NXPE2: variants seen among roughly 807,000 people sequenced by gnomAD.
NXPE2 encodes the protein NXPE family member 2.
In NXPE2, 34 loss-of-function variants were observed where a neutral mutation model predicts 34.4. The observed-to-expected ratio is 0.99, with a 90% confidence interval of 0.75 to 1.31. NXPE2 has a LOEUF of 1.31. NXPE2 is among the 40% of genes most tolerant of loss of function. The pLI, the probability that NXPE2 is intolerant of heterozygous loss-of-function variation, is 0.00. For synonymous variants in NXPE2, 235 were observed against 231.3 expected (o/e 1.02, Z -0.15); for missense variants, 649 against 672.5 (o/e 0.97, Z 0.39).
chr11:114,788,261 G>T, the NXPE2 span, among the ~76,000 whole-genome samples: 2 of 152,220 alleles, frequency 1.3e-5, no homozygotes, highest in Non-Finnish European at 2.9e-5. Flanking sequence ...CTTATTGCTT[G>T]CAGTTAATGG....
At chr11:114,601,228 ATCCCATT>A in the NXPE2 span, among the ~76,000 whole-genome samples, 3 of 151,230 alleles carry the variant, frequency 2.0e-5, no homozygotes, top group South Asian at 6.2e-4. Context: ...GTAATTTTTC[ATCCCATT>A]TCCCTTCCCA....
the NXPE2 span, among the ~76,000 whole-genome samples, chr11:114,591,211 C>G: frequency 6.6e-6 from 1 of 152,218 alleles, no homozygotes; most frequent in Non-Finnish European, 1.5e-5. Flanking sequence ...ACTAGCTGAA[C>G]TGACAGCTCT....
the NXPE2 span, among the ~76,000 whole-genome samples, chr11:114,597,266 A>G: frequency 8.2e-3 from 1,245 of 152,310 alleles, 18 homozygotes; most frequent in African/African-American, 0.028. Context: ...AAAAGGAGGA[A>G]AAAAAGAAGT....
chr11:114,653,766 G>T, the NXPE2 span, among the ~76,000 whole-genome samples: 21 of 151,960 alleles, frequency 1.4e-4, no homozygotes, highest in Non-Finnish European at 1.9e-4. Context: ...CTGACCTCGT[G>T]ATCTGCCCAT....
At chr11:114,490,275 T>C in the NXPE2 span, among the ~76,000 whole-genome samples, 1 of 152,158 alleles carries the variant, frequency 6.6e-6, no homozygotes, top group East Asian at 1.9e-4. Flanking sequence ...AAAATGGCCA[T>C]ACTGCCCAAG....
the NXPE2 span, among the ~76,000 whole-genome samples, chr11:114,626,377 C>T: frequency 8.9e-3 from 1,355 of 152,256 alleles, 20 homozygotes; most frequent in African/African-American, 0.031. Flanking sequence ...CCCTGACCCC[C>T]GAGCAGCCTA....
the NXPE2 span, among the ~76,000 whole-genome samples, chr11:114,783,299 G>T: frequency 2.0e-5 from 3 of 152,168 alleles, no homozygotes; most frequent in Non-Finnish European, 1.5e-5. Context: ...GAGACACCAA[G>T]AACATTTTCT....
At chr11:114,699,058 C>G (rs1388333476) in intron 3 of NXPE2, among the ~76,000 whole-genome samples, 1 of 152,000 alleles carries the variant, frequency 6.6e-6, no homozygotes, top group Admixed American at 6.6e-5. Flanking sequence ...TTTTTATAGA[C>G]CAGTATTTTC....
At chr11:114,616,626 C>A in the NXPE2 span, among the ~76,000 whole-genome samples, 1 of 140,132 alleles carries the variant, frequency 7.1e-6, no homozygotes, top group Non-Finnish European at 1.6e-5. Flanking sequence ...CCACAGTTAC[C>A]CACTGGATAA....
the NXPE2 span, chr11:114,551,405 G>T: frequency 2.3e-6 from 3 of 1,333,280 alleles, no homozygotes; most frequent in Admixed American, 3.5e-5. Flanking sequence ...TCTTGTCGAG[G>T]TTTCACTCAG....
At chr11:114,616,461 A>G in the NXPE2 span, among the ~76,000 whole-genome samples, 46 of 149,480 alleles carry the variant, frequency 3.1e-4, 1 homozygote, top group African/African-American at 1.1e-3. Flanking sequence ...CTGTTACCCA[A>G]TGGATAATAA....
At chr11:114,799,281 G>T in the NXPE2 span, among the ~76,000 whole-genome samples, 3 of 114,122 alleles carry the variant, frequency 2.6e-5, no homozygotes, top group Admixed American at 2.1e-4. Flanking sequence ...GAAGATGAGA[G>T]GCAATGAAGC....
the NXPE2 span, among the ~76,000 whole-genome samples, chr11:114,649,539 T>C: frequency 9.8e-5 from 15 of 152,330 alleles, no homozygotes; most frequent in East Asian, 7.7e-4. Context: ...GGCAAAGCTA[T>C]AGAGACAGAA....
the NXPE2 span, among the ~76,000 whole-genome samples, chr11:114,612,600 G>A: frequency 4.0e-5 from 6 of 151,682 alleles, no homozygotes; most frequent in East Asian, 5.9e-4. Context: ...ATTGCCTCAC[G>A]GGTAACCAGA....
At chr11:114,571,353 G>A in the NXPE2 span, 12 of 1,613,864 alleles carry the variant, frequency 7.4e-6, no homozygotes, top group Middle Eastern at 3.3e-4. Context: ...GACTGAATAG[G>A]TCATTGATCC....
the NXPE2 span, chr11:114,594,693 T>C: frequency 6.2e-7 from 1 of 1,603,744 alleles, no homozygotes. Context: ...ACTGTAAAAA[T>C]GATCCAGGAG....
chr11:114,631,353 A>G, the NXPE2 span, among the ~76,000 whole-genome samples: 2 of 151,804 alleles, frequency 1.3e-5, no homozygotes, highest in African/African-American at 4.8e-5. Flanking sequence ...ATAAAAAATG[A>G]TGAGTTCATG....
At chr11:114,725,976 A>AATATAT in the NXPE2 span, among the ~76,000 whole-genome samples, 29,600 of 102,290 alleles carry the variant, frequency 0.29, 5,997 homozygotes, top group Non-Finnish European at 0.4. Context: ...ATAAAAAAAA[A>AATATAT]ATATATATAT....
At chr11:114,764,581 G>A in the NXPE2 span, among the ~76,000 whole-genome samples, 2 of 152,160 alleles carry the variant, frequency 1.3e-5, no homozygotes, top group African/African-American at 4.8e-5. Context: ...ACACTTTTCT[G>A]TAGGTTTGAA....
Sources: gnomAD v4.1 joint callset for allele counts (sites outside exome capture counted in the v4.1 genomes callset) on GRCh38, gnomAD v4.1.1 for gene constraint, MANE v1.5 for transcripts, NCBI Gene and HGNC (gene_info 2026-07-23, HGNC 2026-07-21) for gene names.